The following DCN variants were observed in gnomAD, a reference collection of about 807,000 sequenced individuals.
DCN encodes the protein bone proteoglycan II.
In DCN, 17 loss-of-function variants were observed where a neutral mutation model predicts 36.5. That is an observed-to-expected ratio of 0.47 (90% CI 0.32 to 0.70). The LOEUF (loss-of-function observed/expected upper bound fraction) is 0.70. Among genes scored for constraint, DCN ranks in the 30% least tolerant of loss-of-function variants. The pLI, the probability that DCN is intolerant of heterozygous loss-of-function variation, is 0.04. For synonymous variants in DCN, 163 were observed against 161.4 expected (o/e 1.01, Z -0.07); for missense variants, 389 against 430.1 (o/e 0.90, Z 0.84).
chr12:91,167,446 C>G (rs1001061266), intron 2 of DCN, among the ~76,000 whole-genome samples: 1 of 148,886 alleles, frequency 6.7e-6, no homozygotes, highest in Non-Finnish European at 1.5e-5. Flanking sequence ...TGTAAATTAT[C>G]TCAGACACAC....
chr12:91,146,387 T>G (rs1456939624), intron 7 of DCN, 135 bp from the exon 8 acceptor site: 1 of 594,398 alleles, frequency 1.7e-6, no homozygotes, highest in East Asian at 2.9e-5. Flanking sequence ...GATGGAATCT[T>G]GCTTTGTCAC....
rs1565768725 is a variant in DCN at position 91,145,087 on chromosome 12, GATAA to G, written c.*967_*970del. On this transcript the variant is annotated 3_prime_UTR_variant, in exon 8 of 8. Coordinates refer to ENST00000052754, the MANE Select transcript of DCN (RefSeq NM_001920.5). ...TGTTGATAGCACAAATGTACAATTTGATAAATGTTTACTGTAAGTAAATCATCCC... is the reference window on the plus strand; with the variant it reads ...TGTTGATAGCACAAATGTACAATTTGATGTTTACTGTAAGTAAATCATCCC... The G allele has an allele frequency of 6.6e-6, 1 of 152,256 alleles. No individual in the cohort carries two copies. Among genetic ancestry groups the G allele is most frequent in the East Asian group, 1.9e-4 (1 of 5,190 alleles). The allele number at this position is 152,256 out of a possible 1,614,324, so 9.4% of individuals were successfully genotyped here. A position where few individuals can be genotyped will look rare whatever the true frequency, so the allele number is the denominator to read the frequency against.
intron 2 of DCN, among the ~76,000 whole-genome samples, 160 bp from the exon 3 acceptor site, chr12:91,164,877 T>C (rs987523919): frequency 6.6e-6 from 1 of 152,220 alleles, no homozygotes; most frequent in Non-Finnish European, 1.5e-5. Context: ...TAGGGTAAAA[T>C]TTTTGCTTTA....
Position 91,156,695 on chromosome 12 carries a change from C to CTT in DCN, c.652+378_652+379dup, listed in dbSNP as rs76405331. Among the ~76,000 whole-genome samples, 771 of 142,450 alleles carry CTT rather than the reference C, an allele frequency of 5.4e-3. 5 individuals are homozygous for CTT. The highest frequency in any genetic ancestry group is 0.015 in the African/African-American group (571 of 38,990). 93.5% of individuals were successfully genotyped at this position (142,450 alleles called of 152,430 possible). On this transcript the variant is annotated intron_variant, in intron 5 of 7. Transcript: ENST00000052754. ...CAATTTCAGAGGTACTCCCATATATCTTTTTTTTTTTTTTTACAAACACCA... is the reference window on the plus strand; with the variant it reads ...CAATTTCAGAGGTACTCCCATATATCTTTTTTTTTTTTTTTTTACAAACACCA...
chr12:91,156,970 G>T, intron 5 of DCN, 105 bp downstream of exon 5: 1 of 747,928 alleles, frequency 1.3e-6, no homozygotes, highest in Non-Finnish European at 2.3e-6. Flanking sequence ...CTGGAAATAA[G>T]GTTGGCCTCT....
chr12:91,147,467 T>C (rs1881102155), intron 7 of DCN, among the ~76,000 whole-genome samples: 1 of 152,184 alleles, frequency 6.6e-6, no homozygotes, highest in Admixed American at 6.5e-5. Flanking sequence ...TCCTCTAGAG[T>C]AAAAGCTCCA....
chr12:91,169,391 A>T (rs1044118572), intron 2 of DCN, among the ~76,000 whole-genome samples: 1 of 151,424 alleles, frequency 6.6e-6, no homozygotes, highest in Admixed American at 6.6e-5. Context: ...AAAAAAAAAA[A>T]AAAAAAAAAA....
rs370036360 is a variant in DCN, at chr12:91,157,065, C to T, written c.652+10G>A. On this transcript the variant is annotated intron_variant, in intron 5 of 7. Transcript: ENST00000052754. ...AATTTTTCAAAATGTTTTGGAGAAT[C>T]TTCTATCACCTTGAGGAATGCTGGT... 2 of 1,524,902 alleles carry T rather than the reference C, an allele frequency of 1.3e-6. No homozygotes were observed. The highest frequency in any genetic ancestry group is 2.7e-5 in the African/African-American group (2 of 72,882). 94.5% of individuals were successfully genotyped at this position (1,524,902 alleles called of 1,614,324 possible).
chr12:91,157,233 T>C, intron 4 of DCN, 45 bp from the exon 5 acceptor site: 3 of 1,303,184 alleles, frequency 2.3e-6, no homozygotes, highest in Non-Finnish European at 3.3e-6. Context: ...AATTTTAGGA[T>C]ATTACTAGTC....
At position 91,157,445 on chromosome 12, in the gene DCN, C is replaced by A. The variant is rs142198841; in HGVS notation, c.539-257G>T. On this transcript the variant is annotated intron_variant, in intron 4 of 7. Coordinates refer to ENST00000052754, the MANE Select transcript of DCN (RefSeq NM_001920.5). ...TTATGAAAAAGACTATTAGTGAAAG[C>A]AATACCAATAAAATTATTTAAGATG... Among the ~76,000 whole-genome samples the A allele has an allele frequency of 6.9e-3, 1,043 of 152,198 alleles. 42 individuals carry two copies. Among genetic ancestry groups the A allele is most frequent in the Admixed American group, 0.06 (922 of 15,288 alleles).
chr12:91,151,196 A>ATT (rs148694970), intron 7 of DCN: 6 of 195,468 alleles, frequency 3.1e-5, no homozygotes, highest in Admixed American at 5.6e-5. Context: ...AACGTATCTC[A>ATT]TTTTTTTTTT....
At chr12:91,149,500 G>A (rs902065175) in intron 7 of DCN, among the ~76,000 whole-genome samples, 1 of 152,080 alleles carries the variant, frequency 6.6e-6, no homozygotes, top group Non-Finnish European at 1.5e-5. Context: ...CGTAACTAAT[G>A]GTAAAATGAA....
intron 2 of DCN, among the ~76,000 whole-genome samples, chr12:91,165,447 T>C (rs1436625425): frequency 1.3e-5 from 2 of 152,176 alleles, no homozygotes; most frequent in African/African-American, 4.8e-5. Flanking sequence ...TTTTAGTTTG[T>C]AAATGTAAAT....
At chr12:91,169,806 G>A (rs2121282380) in intron 2 of DCN, 1 of 157,122 alleles carries the variant, frequency 6.4e-6, no homozygotes, top group Non-Finnish European at 1.4e-5. Context: ...ACTCACGCCT[G>A]TAATCCCAGC....
intron 7 of DCN, among the ~76,000 whole-genome samples, chr12:91,150,368 C>T (rs1881326136): frequency 6.6e-6 from 1 of 152,086 alleles, no homozygotes; most frequent in Admixed American, 6.5e-5. Flanking sequence ...ATGAATTAGA[C>T]TCATATCATA....
At chr12:91,180,582 C>T (rs1445848228) in intron 1 of DCN, 1 of 152,134 alleles carries the variant, frequency 6.6e-6, no homozygotes, top group African/African-American at 2.4e-5. Flanking sequence ...TGAATACAGG[C>T]TTGTGGCTTT....
chr12:91,150,108 T>C (rs2064857906), intron 7 of DCN, among the ~76,000 whole-genome samples: 1 of 152,056 alleles, frequency 6.6e-6, no homozygotes, highest in Admixed American at 6.6e-5. Context: ...AAAATAACTT[T>C]GAAAAAAAAG....
At chr12:91,151,891 GT>G in intron 6 of DCN, 99 bp from the exon 7 acceptor site, 1 of 1,408,510 alleles carries the variant, frequency 7.1e-7, no homozygotes, top group Non-Finnish European at 9.9e-7. Flanking sequence ...GACATTTTTT[GT>G]TTTTGCACTT....
intron 1 of DCN, among the ~76,000 whole-genome samples, chr12:91,181,133 C>CGTGTGT: frequency 6.8e-6 from 1 of 147,110 alleles, no homozygotes; most frequent in South Asian, 2.1e-4. Flanking sequence ...TTCATTTGCT[C>CGTGTGT]GTGTGTGTGT....
Sources: allele counts gnomAD v4.1 joint callset (sites outside exome capture counted in the v4.1 genomes callset), GRCh38; gene constraint gnomAD v4.1.1; transcripts MANE v1.5; gene names NCBI Gene and HGNC (gene_info 2026-07-23, HGNC 2026-07-21).